DAB1: variants seen among roughly 807,000 people sequenced by gnomAD.
DAB1 encodes the protein DAB adaptor protein 1, also known as disabled homolog 1.
Under a neutral mutation model 64.6 loss-of-function variants are expected in DAB1, and 15 were observed. The ratio of observed to expected loss-of-function variants is 0.23; its 90% CI spans 0.16 to 0.36. The LOEUF (loss-of-function observed/expected upper bound fraction) is 0.36, where lower values mean the gene tolerates loss of function less well. Among genes scored for constraint, DAB1 ranks in the 10% least tolerant of loss-of-function variants. DAB1 has a pLI of 1.00. For missense variants in DAB1, 596 were observed against 706.7 expected, an observed-to-expected ratio of 0.84 and a Z score of 1.78; for synonymous variants, 235 against 251.9, an observed-to-expected ratio of 0.93 and a Z score of 0.64.
At chr1:57,423,693 G>C (rs1179909333) in intron 1 of DAB1, among the ~76,000 whole-genome samples, 1 of 152,084 alleles carries the variant, frequency 6.6e-6, no homozygotes, top group Non-Finnish European at 1.5e-5. Flanking sequence ...ATGGGGGGCA[G>C]GACAGAGAAA....
chr1:57,302,251 G>A (rs1673723314), intron 1 of DAB1, among the ~76,000 whole-genome samples: 1 of 151,988 alleles, frequency 6.6e-6, no homozygotes, highest in Admixed American at 6.5e-5. Flanking sequence ...CCTGACAAAG[G>A]ATGTCTTTTT....
At chr1:58,375,956 T>C (rs1644320244) in intron 3 of DAB1, among the ~76,000 whole-genome samples, 1 of 147,232 alleles carries the variant, frequency 6.8e-6, no homozygotes. Context: ...CTAGATTTTC[T>C]AGTTTATTTG....
At chr1:57,694,689 A>T (rs1646803469) in intron 6 of DAB1, among the ~76,000 whole-genome samples, 1 of 152,186 alleles carries the variant, frequency 6.6e-6, no homozygotes, top group Non-Finnish European at 1.5e-5. Context: ...ATAAAAATAT[A>T]TTAAAATATT....
intron 5 of DAB1, among the ~76,000 whole-genome samples, chr1:57,967,347 C>T (rs1350636782): frequency 6.6e-6 from 1 of 152,178 alleles, no homozygotes; most frequent in Non-Finnish European, 1.5e-5. Flanking sequence ...AGCCAGATGA[C>T]CCGTAATGCT....
intron 5 of DAB1, among the ~76,000 whole-genome samples, chr1:57,907,902 A>T (rs111265319): frequency 0.024 from 3,394 of 142,996 alleles, 107 homozygotes; most frequent in African/African-American, 0.08. Flanking sequence ...TAACATTGTT[A>T]TATATATATA....
intron 5 of DAB1, among the ~76,000 whole-genome samples, chr1:57,907,901 TATATATATATA>T (rs1335911105): frequency 7.0e-6 from 1 of 141,866 alleles, no homozygotes; most frequent in Non-Finnish European, 1.5e-5. Context: ...ATAACATTGT[TATATATATATA>T]ATATATATAT....
chr1:57,422,949 C>T (rs1014273341), intron 1 of DAB1, among the ~76,000 whole-genome samples: 6 of 152,166 alleles, frequency 3.9e-5, no homozygotes, highest in Non-Finnish European at 7.3e-5. Flanking sequence ...CCTCGGGACG[C>T]AGCCAGCGGA....
chr1:58,524,374 C>T (rs1453458429), intron 2 of DAB1, among the ~76,000 whole-genome samples: 1 of 152,210 alleles, frequency 6.6e-6, no homozygotes, highest in African/African-American at 2.4e-5. Flanking sequence ...AACTATCAAA[C>T]CATCCTTCGC....
At chr1:58,106,277 G>A (rs976466187) in intron 5 of DAB1, among the ~76,000 whole-genome samples, 24 of 151,662 alleles carry the variant, frequency 1.6e-4, no homozygotes, top group African/African-American at 5.1e-4. Flanking sequence ...TCCTGGATTC[G>A]GGTAATCCTC....
intron 5 of DAB1, among the ~76,000 whole-genome samples, chr1:58,026,426 G>A (rs185464218): frequency 7.9e-5 from 12 of 152,244 alleles, no homozygotes; most frequent in Admixed American, 2.6e-4. Flanking sequence ...CCTGAGTGAG[G>A]ATGGTGATGG....
chr1:57,803,192 T>A (rs2101875068), intron 6 of DAB1, among the ~76,000 whole-genome samples: 1 of 152,276 alleles, frequency 6.6e-6, no homozygotes, highest in South Asian at 2.1e-4. Context: ...AAGGAAAAAT[T>A]TACAAGGATG....
intron 4 of DAB1, among the ~76,000 whole-genome samples, chr1:58,180,993 G>T (rs1296727900): frequency 6.6e-6 from 1 of 152,128 alleles, no homozygotes; most frequent in African/African-American, 2.4e-5. Context: ...CAAAATAATT[G>T]ATAGTGTTGT....
intron 2 of DAB1, chr1:58,527,249 T>C: frequency 1.1e-6 from 1 of 872,034 alleles, no homozygotes; most frequent in Admixed American, 1.7e-5. Flanking sequence ...TCTCAACTAC[T>C]AAACACTTTA....
In DAB1 at chr1:58,510,753, GAACT is replaced by G. The variant is rs1410846248; in HGVS notation, n.108-4548_108-4545del. ...ACACACACAAAAAAAAACCCTGCTA[GAACT>G]AATAAATAAATTCAGTAAAGTTAGT... On this transcript the variant is annotated intron_variant and non_coding_transcript_variant, in intron 2 of 20. Transcript: ENST00000485760. 2.0e-5 allele frequency among the ~76,000 whole-genome samples: 3 copies of G among 151,990 alleles called. No individual in the cohort carries two copies. The East Asian group carries it at 5.8e-4, about 29-fold the overall frequency.
rs573441958 is a variant in DAB1, at chr1:58,061,018, G to T, written n.387+89493C>A. 3.9e-5 allele frequency among the ~76,000 whole-genome samples: 6 copies of T among 152,296 alleles called. No homozygotes were observed. The South Asian group carries it at 1.2e-3, about 32-fold the overall frequency. On this transcript the variant is annotated intron_variant and non_coding_transcript_variant, in intron 5 of 20. Coordinates refer to the DAB1 transcript ENST00000485760. Reference sequence around the variant, plus strand: ...AGAAGGAAGAGCCTGGGTCCTCAGGGCCTCCATCCCTCCCTTTGGCAGGGG... The same window carrying T: ...AGAAGGAAGAGCCTGGGTCCTCAGGTCCTCCATCCCTCCCTTTGGCAGGGG...
chr1:57,194,961 T>C (rs1446270668), intron 2 of DAB1, among the ~76,000 whole-genome samples: 1 of 152,236 alleles, frequency 6.6e-6, no homozygotes. Flanking sequence ...ATTTTATATA[T>C]GCTAACTAGT....
intron 7 of DAB1, among the ~76,000 whole-genome samples, chr1:57,516,552 C>T (rs189571757): frequency 7.8e-4 from 118 of 152,246 alleles, no homozygotes; most frequent in Admixed American, 1.7e-3. Flanking sequence ...ACGTTGAGAA[C>T]AATAAAACCA....
At chr1:58,025,651 G>GTGTATA (rs1264790564) in intron 5 of DAB1, among the ~76,000 whole-genome samples, 4,608 of 75,138 alleles carry the variant, frequency 0.061, 124 homozygotes, top group Non-Finnish European at 0.1. Flanking sequence ...ATATATGTGT[G>GTGTATA]TATATATATA....
At chr1:58,495,814 G>T (rs1645790974) in intron 3 of DAB1, among the ~76,000 whole-genome samples, 1 of 152,070 alleles carries the variant, frequency 6.6e-6, no homozygotes, top group South Asian at 2.1e-4. Context: ...ACAGCAAGAA[G>T]TATAAGAACT....
Sources: gnomAD v4.1 joint callset for allele counts (sites outside exome capture counted in the v4.1 genomes callset) on GRCh38, gnomAD v4.1.1 for gene constraint, MANE v1.5 for transcripts, NCBI Gene and HGNC (gene_info 2026-07-23, HGNC 2026-07-21) for gene names.